The following CSMD2 variants were observed in gnomAD, a reference collection of about 807,000 sequenced individuals.
CSMD2 encodes CUB and sushi domain-containing protein 2.
Under a neutral mutation model 398.5 loss-of-function variants are expected in CSMD2, and 130 were observed. That is an observed-to-expected ratio of 0.33 (90% confidence interval 0.28 to 0.38). The LOEUF (loss-of-function observed/expected upper bound fraction) is 0.38. Among genes scored for constraint, CSMD2 ranks in the 10% least tolerant of loss-of-function variants. The pLI, the probability that CSMD2 is intolerant of heterozygous loss-of-function variation, is 1.00. For missense variants in CSMD2, 3,829 were observed against 4,764.9 expected, an observed-to-expected ratio of 0.80 and a Z score of 5.78; for synonymous variants, 1,828 against 1,908.5, an observed-to-expected ratio of 0.96 and a Z score of 1.10.
At chr1:33,930,021 T>C (rs190016240) in intron 4 of CSMD2, among the ~76,000 whole-genome samples, 4 of 152,338 alleles carry the variant, frequency 2.6e-5, no homozygotes, top group Admixed American at 6.5e-5. Flanking sequence ...GGCGTGTGTA[T>C]CTGTTTTCTG....
rs764234545 is a variant in CSMD2 at position 33,935,895 on chromosome 1, A to C, written c.577T>G (p.Ser193Ala). The C allele has an allele frequency of 2.5e-6, 4 of 1,614,124 alleles. No individual in the cohort carries two copies. In the East Asian group the frequency reaches 8.9e-5, roughly 36 times the overall value. Residue 193 changes from serine (S) to alanine (A), a missense_variant, in exon 4 of 71, where the codon TCA becomes GCA. By Grantham distance (99) the Ser-to-Ala change is moderately conservative. Coordinates refer to ENST00000373381, the MANE Select transcript of CSMD2 (RefSeq NM_001281956.2). ...ACCTTGTCACCGAGGTTGAAGGTTG[A>C]ACCCTGCTGGATGCCATTGGGCAGC... is the stretch of plus-strand genomic sequence containing the variant. Reference protein sequence around the residue: ...GRLPNGIQQGSTFNLGDKVRY... With the variant: ...GRLPNGIQQGATFNLGDKVRY...
Position 33,624,936 on chromosome 1 carries a change from G to A in CSMD2, c.5500+115C>T. 3 of 1,117,718 alleles carry A rather than the reference G, an allele frequency of 2.7e-6. No individual in the cohort carries two copies. In the South Asian group the frequency reaches 4.2e-5, roughly 16 times the overall value. 69.2% of individuals were successfully genotyped at this position (1,117,718 alleles called of 1,614,324 possible). The stretch of plus-strand genomic sequence containing the variant: ...TGGGACACCCCACCTCAGCCATGCG[G>A]TGGGAAGCGGCTGCTGTGTGTCGTG... On this transcript the variant is annotated intron_variant, in intron 34 of 70. Coordinates refer to ENST00000373381, the MANE Select transcript of CSMD2 (RefSeq NM_001281956.2). The surrounding 1 kb of genome is among the most constrained non-coding windows in gnomAD (Gnocchi z 4.7).
At position 33,844,523 on chromosome 1, in the gene CSMD2, G is replaced by A. The variant is rs535461989; in HGVS notation, c.1033+2361C>T. Among the ~76,000 whole-genome samples, 462 of 152,266 alleles carry A rather than the reference G, an allele frequency of 3.0e-3. 1 individual carries two copies. The highest frequency in any genetic ancestry group is 9.7e-3 in the African/African-American group (401 of 41,530). On this transcript the variant is annotated intron_variant, in intron 6 of 70. Transcript: ENST00000373381. ...ATCACTGTATATCCTTGCACTATGCGGTCTCAGTCAGGAAAACACTAGAAA... is the reference window on the plus strand; with the variant it reads ...ATCACTGTATATCCTTGCACTATGCAGTCTCAGTCAGGAAAACACTAGAAA...
At chr1:33,908,861 C>T (rs1305196708) in intron 5 of CSMD2, among the ~76,000 whole-genome samples, 2 of 152,100 alleles carry the variant, frequency 1.3e-5, no homozygotes, top group African/African-American at 2.4e-5. Context: ...ATACAGGAGA[C>T]GAGATTTTAA....
Position 33,635,202 on chromosome 1 carries a change from C to A in CSMD2, c.5086+12G>T. On this transcript the variant is annotated intron_variant, in intron 31 of 70. Coordinates refer to ENST00000373381, the MANE Select transcript of CSMD2 (RefSeq NM_001281956.2). The surrounding 1 kb of genome is among the most constrained non-coding windows in gnomAD (Gnocchi z 5.0). ...CAGAAAACATATGAACAACAACAAC[C>A]AAAACCCATACCATAGTCCTTGGGC... The A allele has an allele frequency of 6.4e-7, 1 of 1,559,446 alleles. No individual in the cohort carries two copies. Among genetic ancestry groups the A allele is most frequent in the South Asian group, 1.1e-5 (1 of 89,244 alleles).
chr1:34,099,315 C>T (rs1045373210), intron 1 of CSMD2, among the ~76,000 whole-genome samples: 1 of 152,186 alleles, frequency 6.6e-6, no homozygotes, highest in African/African-American at 2.4e-5. Flanking sequence ...GGATCATAGA[C>T]TAGAAACAAG....
At chr1:33,571,143 C>T (rs1345725850) in intron 51 of CSMD2, among the ~76,000 whole-genome samples, 1 of 152,170 alleles carries the variant, frequency 6.6e-6, no homozygotes, top group Non-Finnish European at 1.5e-5. Context: ...CTTATCGCAC[C>T]ACATTATCAT....
intron 3 of CSMD2, among the ~76,000 whole-genome samples, chr1:34,016,479 G>T (rs1000372626): frequency 2.0e-5 from 3 of 152,158 alleles, no homozygotes; most frequent in Non-Finnish European, 2.9e-5. Flanking sequence ...CTAAGGACAT[G>T]AACTCATTCT....
intron 4 of CSMD2, among the ~76,000 whole-genome samples, chr1:33,932,711 G>A (rs1489756400): frequency 6.6e-6 from 1 of 152,142 alleles, no homozygotes; most frequent in Non-Finnish European, 1.5e-5. Context: ...CTGGCTGGTG[G>A]GGTAACAAAA....
At chr1:33,842,627 G>C (rs1483465579) in intron 6 of CSMD2, among the ~76,000 whole-genome samples, 1 of 152,154 alleles carries the variant, frequency 6.6e-6, no homozygotes, top group Non-Finnish European at 1.5e-5. Flanking sequence ...AAACTGCTCA[G>C]CTCTGCCCTG....
At chr1:34,103,462 C>T (rs972595354) in intron 1 of CSMD2, among the ~76,000 whole-genome samples, 6 of 151,884 alleles carry the variant, frequency 4.0e-5, no homozygotes, top group African/African-American at 7.3e-5. Context: ...CCACGCCCAG[C>T]TAATTTTTCA....
chr1:34,043,588 G>C (rs1652126562), intron 2 of CSMD2, among the ~76,000 whole-genome samples: 1 of 152,100 alleles, frequency 6.6e-6, no homozygotes, highest in Non-Finnish European at 1.5e-5. Flanking sequence ...GTACATATTA[G>C]ATGCAATATA....
At chr1:34,103,893 A>G (rs1351547925) in intron 1 of CSMD2, among the ~76,000 whole-genome samples, 1 of 152,198 alleles carries the variant, frequency 6.6e-6, no homozygotes, top group African/African-American at 2.4e-5. Flanking sequence ...GGTTTTGGAA[A>G]CAAAAGCTTT....
At chr1:34,064,708 T>C (rs1654914093) in intron 2 of CSMD2, among the ~76,000 whole-genome samples, 2 of 152,206 alleles carry the variant, frequency 1.3e-5, no homozygotes, top group East Asian at 3.9e-4. Flanking sequence ...TTTTCGGGTA[T>C]CTTTTCAGCA....
chr1:34,133,592 C>T (rs1638380399), intron 1 of CSMD2, among the ~76,000 whole-genome samples: 1 of 151,866 alleles, frequency 6.6e-6, no homozygotes, highest in African/African-American at 2.4e-5. Context: ...TATTGCACCA[C>T]TGCACTCCAG....
chr1:33,974,176 C>A (rs1204264266), intron 3 of CSMD2, among the ~76,000 whole-genome samples: 2 of 152,222 alleles, frequency 1.3e-5, no homozygotes, highest in African/African-American at 4.8e-5. Context: ...TCTCCCTTGG[C>A]AAACATCCCC....
At chr1:33,773,532 C>A (rs1396784169) in intron 12 of CSMD2, among the ~76,000 whole-genome samples, 1 of 152,186 alleles carries the variant, frequency 6.6e-6, no homozygotes, top group African/African-American at 2.4e-5. Flanking sequence ...GAGAGGCAGT[C>A]AGGATCCAGA....
chr1:34,057,125 C>T (rs1014718995), intron 2 of CSMD2, among the ~76,000 whole-genome samples: 1 of 152,050 alleles, frequency 6.6e-6, no homozygotes, highest in Admixed American at 6.6e-5. Context: ...AGAGTGGGAG[C>T]GAAAGCCTAG....
chr1:33,560,949 G>A (rs575573859), intron 53 of CSMD2, among the ~76,000 whole-genome samples: 6 of 152,238 alleles, frequency 3.9e-5, no homozygotes, highest in African/African-American at 1.4e-4. Context: ...GTTCTATTTC[G>A]TCCCAGCCTG....
Sources: allele counts gnomAD v4.1 joint callset (sites outside exome capture counted in the v4.1 genomes callset), GRCh38; gene constraint gnomAD v4.1.1; non-coding constraint Gnocchi (gnomAD v3.1); transcripts MANE v1.5; gene names NCBI Gene and HGNC (gene_info 2026-07-23, HGNC 2026-07-21).